Variants in TVP23A observed in about 807,000 individuals in gnomAD.
TVP23A encodes the protein trans-golgi network vesicle protein 23 homolog A, also known as Golgi apparatus membrane protein TVP23 homolog A.
TVP23A carries 21 observed loss-of-function variants against 31.7 expected under a neutral mutation model. That is an observed-to-expected ratio of 0.66 (90% confidence interval 0.47 to 0.95). TVP23A has a LOEUF of 0.95. Among genes scored for constraint, TVP23A ranks in the 40% least tolerant of loss-of-function variants. The pLI, the probability that TVP23A is intolerant of heterozygous loss-of-function variation, is 0.00. For missense variants in TVP23A, 279 were observed against 255.6 expected, an observed-to-expected ratio of 1.09 and a Z score of -0.62; for synonymous variants, 104 against 96.0, an observed-to-expected ratio of 1.08 and a Z score of -0.49.
chr16:10,765,327 T>TAAAAAAA (rs533208449), downstream of TVP23A, among the ~76,000 whole-genome samples: 31 of 111,262 alleles, frequency 2.8e-4, no homozygotes, highest in Non-Finnish European at 4.2e-4. The surrounding 1 kb of genome is among the most constrained non-coding windows in gnomAD (Gnocchi z 4.0). Context: ...CCTCATCTCT[T>TAAAAAAA]AAAAAAAAAA....
chr16:10,761,726 A>T (rs372881425), downstream of TVP23A: 7 of 1,553,440 alleles, frequency 4.5e-6, no homozygotes, highest in African/African-American at 1.4e-5. Context: ...CAAAAAAATT[A>T]TGTTTCCTCC....
chr16:10,817,028 A>G (rs891390907), intron 2 of TVP23A, among the ~76,000 whole-genome samples: 23 of 152,104 alleles, frequency 1.5e-4, no homozygotes, highest in African/African-American at 5.6e-4. Flanking sequence ...AGACGGAGGA[A>G]CAGGCCACAA....
chr16:10,806,063 C>T (rs910897041), intron 2 of TVP23A, among the ~76,000 whole-genome samples: 2 of 152,152 alleles, frequency 1.3e-5, no homozygotes, highest in East Asian at 1.9e-4. Flanking sequence ...AATATTCGGC[C>T]GGATGCGGTG....
rs1047751937 is a variant in TVP23A, at chr16:10,767,832, G to A, written c.*1270C>T. 19 of 916,076 alleles carry A rather than the reference G, an allele frequency of 2.1e-5. No individual in the cohort carries two copies. The highest frequency in any genetic ancestry group is 2.2e-4 in the Middle Eastern group (1 of 4,598). The allele number at this position is 916,076 out of a possible 1,614,324, so 56.7% of individuals were successfully genotyped here. A position where few individuals can be genotyped will look rare whatever the true frequency, so the allele number is the denominator to read the frequency against. Reference sequence around the variant, plus strand: ...TCTTTTCTACTTTGTTCTTCATTACGAGTGAAGCGGGCTCAAGATCTTCCC... The same window carrying A: ...TCTTTTCTACTTTGTTCTTCATTACAAGTGAAGCGGGCTCAAGATCTTCCC... On this transcript the variant is annotated 3_prime_UTR_variant, in exon 8 of 8. Coordinates refer to ENST00000299866, the MANE Select transcript of TVP23A (RefSeq NM_001079512.4). This position sits in a 1 kb window ranked among gnomAD's most constrained non-coding sequence, Gnocchi z 4.6.
chr16:10,816,905 G>C (rs2034465903), intron 2 of TVP23A, among the ~76,000 whole-genome samples: 2 of 143,936 alleles, frequency 1.4e-5, no homozygotes, highest in African/African-American at 5.1e-5. Context: ...TAAAAAAAAA[G>C]AAAGAGGCAC....
chr16:10,768,886 G>A lies in TVP23A; in HGVS notation c.*216C>T, dbSNP rs543769824. 15 of 619,998 alleles carry A rather than the reference G, an allele frequency of 2.4e-5. No homozygotes were observed. Among genetic ancestry groups the A allele is most frequent in the African/African-American group, 7.5e-5 (4 of 53,632 alleles). The allele number at this position is 619,998 out of a possible 1,614,324, so 38.4% of individuals were successfully genotyped here. On this transcript the variant is annotated 3_prime_UTR_variant, in exon 8 of 8. Transcript: ENST00000299866. This position sits in a 1 kb window ranked among gnomAD's most constrained non-coding sequence, Gnocchi z 4.3. ...CAAGATGGGTAGTGTGAGGTATTCC[G>A]GTCACTTTCAAAGACTCAGGGCATC...
At chr16:10,798,214 C>G (rs1332584926) in intron 2 of TVP23A, among the ~76,000 whole-genome samples, 1 of 151,984 alleles carries the variant, frequency 6.6e-6, no homozygotes, top group African/African-American at 2.4e-5. Flanking sequence ...CCGCCTTGGC[C>G]TCCCATAGTA....
At chr16:10,797,080 T>C (rs1176070916) in intron 2 of TVP23A, among the ~76,000 whole-genome samples, 1 of 150,416 alleles carries the variant, frequency 6.6e-6, no homozygotes, top group Non-Finnish European at 1.5e-5. Flanking sequence ...TCTCAGCTAC[T>C]CAGGAGGCTA....
intron 7 of TVP23A, 21 bp downstream of exon 7, chr16:10,770,251 G>A (rs1295494721): frequency 6.5e-7 from 1 of 1,550,348 alleles, no homozygotes; most frequent in Non-Finnish European, 8.7e-7. Flanking sequence ...CTCCACACGG[G>A]TGCCATGATC....
At chr16:10,771,075 G>T (rs2031577478) in intron 6 of TVP23A, among the ~76,000 whole-genome samples, 1 of 152,100 alleles carries the variant, frequency 6.6e-6, no homozygotes. Context: ...AGGCGAGGAG[G>T]AGGGGGAGTT....
rs2031236327 is a variant in TVP23A at position 10,768,501 on chromosome 16, G to A, written c.*601C>T. The stretch of plus-strand genomic sequence containing the variant: ...GCATGCCTGTAGTCCCAGCTACTCA[G>A]GAGGCTGAGGCAGGAGAATCGCTTG... On this transcript the variant is annotated 3_prime_UTR_variant, in exon 8 of 8. Coordinates refer to ENST00000299866, the MANE Select transcript of TVP23A (RefSeq NM_001079512.4). The surrounding 1 kb of genome is among the most constrained non-coding windows in gnomAD (Gnocchi z 4.3). The A allele has an allele frequency of 6.3e-6, 1 of 158,114 alleles. No homozygotes were observed. The highest frequency in any genetic ancestry group is 6.3e-5 in the Admixed American group (1 of 15,936). 9.8% of individuals were successfully genotyped at this position (158,114 alleles called of 1,614,324 possible).
At chr16:10,812,904 GA>G (rs200802585) in intron 2 of TVP23A, among the ~76,000 whole-genome samples, 3 of 149,578 alleles carry the variant, frequency 2.0e-5, no homozygotes, top group Non-Finnish European at 3.0e-5. Context: ...TTTTAAAGTT[GA>G]AAAAAAAAGT....
rs181933433 is a variant in TVP23A at position 10,798,703 on chromosome 16, C to T, written c.89+19400G>A. Reference sequence around the variant, plus strand: ...TTTTTGAGATGGAGTCTCACTCTGTCGCCAGGCTGGAGTGCAATGGTGCGA... The same window carrying T: ...TTTTTGAGATGGAGTCTCACTCTGTTGCCAGGCTGGAGTGCAATGGTGCGA... On this transcript the variant is annotated intron_variant, in intron 2 of 7. Coordinates refer to ENST00000299866, the MANE Select transcript of TVP23A (RefSeq NM_001079512.4). 5.3e-5 allele frequency among the ~76,000 whole-genome samples: 8 copies of T among 150,850 alleles called. No homozygotes were observed. In the South Asian group the frequency reaches 1.0e-3, roughly 20 times the overall value.
At chr16:10,761,441 G>A in exon 9 of TVP23A, 1 of 1,614,128 alleles carries the variant, frequency 6.2e-7, no homozygotes, top group Non-Finnish European at 8.5e-7. Context: ...GGGTGGTGGA[G>A]AACATGAGTG....
At chr16:10,795,800 G>C (rs1405978042) in intron 2 of TVP23A, among the ~76,000 whole-genome samples, 1 of 152,128 alleles carries the variant, frequency 6.6e-6, no homozygotes, top group Non-Finnish European at 1.5e-5. Context: ...AAGAATTCAA[G>C]GATGGAGGAC....
intron 2 of TVP23A, among the ~76,000 whole-genome samples, chr16:10,782,746 C>G (rs1024862483): frequency 6.6e-6 from 1 of 152,044 alleles, no homozygotes; most frequent in Non-Finnish European, 1.5e-5. Flanking sequence ...TCAAGCTGTC[C>G]TCCCATCTTA....
At chr16:10,797,308 G>A (rs561215069) in intron 2 of TVP23A, among the ~76,000 whole-genome samples, 14 of 151,824 alleles carry the variant, frequency 9.2e-5, no homozygotes, top group Non-Finnish European at 8.8e-5. Context: ...CGAGACGGGC[G>A]GATCACCTGA....
rs1269273572 is a variant in TVP23A at position 10,768,052 on chromosome 16, C to T, written c.*1050G>A. The T allele has an allele frequency of 1.2e-6, 2 of 1,609,274 alleles. No individual in the cohort carries two copies. The highest frequency in any genetic ancestry group is 3.3e-5 in the Admixed American group (2 of 59,990). ...TTCAGAGTAAGTATTTCCATGAGTA[C>T]TAAATGCAGATGCCTGTGGGGCAGG... is the stretch of plus-strand genomic sequence containing the variant. On this transcript the variant is annotated 3_prime_UTR_variant, in exon 8 of 8. Coordinates refer to ENST00000299866, the MANE Select transcript of TVP23A (RefSeq NM_001079512.4). The surrounding 1 kb of genome is among the most constrained non-coding windows in gnomAD (Gnocchi z 4.3).
chr16:10,790,731 A>C (rs1330213756), intron 2 of TVP23A, among the ~76,000 whole-genome samples: 2 of 152,210 alleles, frequency 1.3e-5, no homozygotes, highest in African/African-American at 4.8e-5. Context: ...CAGGCCCCTT[A>C]GATAGGAATT....
Sources: gnomAD v4.1 joint callset for allele counts (sites outside exome capture counted in the v4.1 genomes callset) on GRCh38, gnomAD v4.1.1 for gene constraint, Gnocchi (gnomAD v3.1) non-coding constraint, MANE v1.5 for transcripts, NCBI Gene and HGNC (gene_info 2026-07-23, HGNC 2026-07-21) for gene names.